Variants in ABTB3 observed in about 807,000 individuals in gnomAD.
ABTB3 encodes ankyrin repeat- and BTB/POZ domain-containing protein 3.
chr12:107,372,824 A>C, the ABTB3 span, among the ~76,000 whole-genome samples: 2 of 152,070 alleles, frequency 1.3e-5, no homozygotes, highest in African/African-American at 4.8e-5. Context: ...ATATTGACTT[A>C]TTATTATCTT....
chr12:107,491,081 G>A, the ABTB3 span, among the ~76,000 whole-genome samples: 1 of 152,142 alleles, frequency 6.6e-6, no homozygotes, highest in Non-Finnish European at 1.5e-5. Context: ...CTATACATCT[G>A]AGTAGGTGGG....
the ABTB3 span, among the ~76,000 whole-genome samples, chr12:107,543,491 G>T: frequency 5.9e-5 from 9 of 152,138 alleles, no homozygotes; most frequent in Non-Finnish European, 1.3e-4. Flanking sequence ...GAGAAGAAGA[G>T]GGAGAGAATG....
the ABTB3 span, among the ~76,000 whole-genome samples, chr12:107,332,122 T>C: frequency 6.6e-6 from 1 of 152,214 alleles, no homozygotes; most frequent in African/African-American, 2.4e-5. Context: ...AAGGCGTCAC[T>C]TGGCTCAGGC....
chr12:107,501,382 C>T, the ABTB3 span, among the ~76,000 whole-genome samples: 3 of 93,466 alleles, frequency 3.2e-5, no homozygotes, highest in South Asian at 9.1e-4. Context: ...AGAGATGCTC[C>T]CAGTAAAAAA....
chr12:107,352,458 G>T, the ABTB3 span, among the ~76,000 whole-genome samples: 6 of 152,286 alleles, frequency 3.9e-5, no homozygotes, highest in Admixed American at 6.5e-5. Context: ...AGAGACCTCT[G>T]GGAGGAAACT....
the ABTB3 span, among the ~76,000 whole-genome samples, chr12:107,513,084 G>C: frequency 6.6e-6 from 1 of 152,200 alleles, no homozygotes; most frequent in Non-Finnish European, 1.5e-5. Flanking sequence ...TAGTGTGGCT[G>C]AGAGGATTAA....
At chr12:107,388,337 C>CTT in the ABTB3 span, among the ~76,000 whole-genome samples, 4 of 151,490 alleles carry the variant, frequency 2.6e-5, no homozygotes, top group African/African-American at 9.7e-5. Flanking sequence ...CCTTCTCCTC[C>CTT]CTTTCTTTTT....
At chr12:107,326,800 G>T in the ABTB3 span, among the ~76,000 whole-genome samples, 1 of 152,198 alleles carries the variant, frequency 6.6e-6, no homozygotes, top group African/African-American at 2.4e-5. Context: ...ATTTGGAAAA[G>T]ATAATCATGG....
At chr12:107,433,336 C>T in the ABTB3 span, among the ~76,000 whole-genome samples, 481 of 143,976 alleles carry the variant, frequency 3.3e-3, 2 homozygotes, top group African/African-American at 0.012. Flanking sequence ...ACAAGAAGAG[C>T]AGAGGGAGGA....
At chr12:107,405,407 T>TAAATGGTC in the ABTB3 span, among the ~76,000 whole-genome samples, 6 of 152,218 alleles carry the variant, frequency 3.9e-5, no homozygotes, top group Non-Finnish European at 8.8e-5. Context: ...AGTCTGTCAT[T>TAAATGGTC]AAATGGTCAA....
chr12:107,447,663 T>A, the ABTB3 span, among the ~76,000 whole-genome samples: 1 of 152,294 alleles, frequency 6.6e-6, no homozygotes, highest in Admixed American at 6.5e-5. Context: ...AGCGCTGTAT[T>A]AGTTTTTGCA....
chr12:107,380,573 G>C, the ABTB3 span, among the ~76,000 whole-genome samples: 1 of 152,142 alleles, frequency 6.6e-6, no homozygotes, highest in Non-Finnish European at 1.5e-5. Flanking sequence ...GAAATGACCT[G>C]TCTAAGGCTG....
chr12:107,400,300 A>G, the ABTB3 span, among the ~76,000 whole-genome samples: 1 of 152,100 alleles, frequency 6.6e-6, no homozygotes, highest in South Asian at 2.1e-4. Flanking sequence ...GCCCATGATG[A>G]GATGCTTAGG....
the ABTB3 span, among the ~76,000 whole-genome samples, chr12:107,613,778 T>C: frequency 6.6e-6 from 1 of 152,106 alleles, no homozygotes. Context: ...AGCAAAGAGA[T>C]TGACGGGCTG....
At chr12:107,614,700 A>G in the ABTB3 span, among the ~76,000 whole-genome samples, 1 of 152,242 alleles carries the variant, frequency 6.6e-6, no homozygotes, top group Non-Finnish European at 1.5e-5. Flanking sequence ...ACTTCCTTTC[A>G]GAGGAGAAGT....
At chr12:107,423,078 T>C in the ABTB3 span, among the ~76,000 whole-genome samples, 26 of 152,212 alleles carry the variant, frequency 1.7e-4, no homozygotes, top group Non-Finnish European at 3.2e-4. Flanking sequence ...CAAGCCTTCT[T>C]GTGTGCTCAA....
chr12:107,543,040 A>G, the ABTB3 span, among the ~76,000 whole-genome samples: 2 of 152,148 alleles, frequency 1.3e-5, no homozygotes, highest in Non-Finnish European at 2.9e-5. Context: ...TTGTCATCAA[A>G]TTTACTTTTA....
the ABTB3 span, among the ~76,000 whole-genome samples, chr12:107,372,563 C>A: frequency 1.3e-5 from 2 of 152,128 alleles, no homozygotes; most frequent in African/African-American, 4.8e-5. Flanking sequence ...ACTAAATCAG[C>A]ATAATAAACC....
chr12:107,417,263 T>C, the ABTB3 span, among the ~76,000 whole-genome samples: 83 of 152,302 alleles, frequency 5.4e-4, no homozygotes, highest in East Asian at 9.1e-3. Flanking sequence ...GTTAGTATCC[T>C]AGAGCTGCCA....
Sources: allele counts gnomAD v4.1 joint callset (sites outside exome capture counted in the v4.1 genomes callset), GRCh38; gene constraint gnomAD v4.1.1; transcripts MANE v1.5; gene names NCBI Gene and HGNC (gene_info 2026-07-23, HGNC 2026-07-21).